Variants in RIMS1 observed in about 807,000 individuals in gnomAD.
RIMS1 encodes regulating synaptic membrane exocytosis protein 1.
Under a neutral mutation model 214.1 loss-of-function variants are expected in RIMS1, and 83 were observed. The ratio of observed to expected loss-of-function variants is 0.39; its 90% CI spans 0.32 to 0.47. RIMS1 has a LOEUF of 0.47. Ranked by LOEUF, RIMS1 falls within the 20% of genes least tolerant of loss-of-function variation. RIMS1 has a pLI of 0.99. For missense variants in RIMS1, 2,050 were observed against 2,161.8 expected (o/e 0.95, Z 1.03); for synonymous variants, 793 against 786.8 (o/e 1.01, Z -0.13).
At chr6:72,082,869 G>A (rs542014734) in intron 2 of RIMS1, among the ~76,000 whole-genome samples, 1 of 152,132 alleles carries the variant, frequency 6.6e-6, no homozygotes, top group Admixed American at 6.6e-5. Flanking sequence ...GGAAATTAGG[G>A]GACATTGCAC....
At chr6:72,341,893 C>A (rs1246450552) in intron 29 of RIMS1, among the ~76,000 whole-genome samples, 1 of 151,604 alleles carries the variant, frequency 6.6e-6, no homozygotes, top group Admixed American at 6.6e-5. Flanking sequence ...TATCTTTTCT[C>A]CAAATACTGA....
intron 28 of RIMS1, among the ~76,000 whole-genome samples, chr6:72,323,153 A>G (rs965785580): frequency 6.6e-6 from 1 of 152,136 alleles, no homozygotes; most frequent in African/African-American, 2.4e-5. Context: ...CAAACTCTGT[A>G]CAAGAACAAG....
At chr6:72,049,581 G>C (rs1209320731) in intron 2 of RIMS1, among the ~76,000 whole-genome samples, 1 of 152,178 alleles carries the variant, frequency 6.6e-6, no homozygotes, top group Non-Finnish European at 1.5e-5. Flanking sequence ...GCTTAGGTTT[G>C]CATAATACTG....
intron 29 of RIMS1, among the ~76,000 whole-genome samples, chr6:72,377,668 C>G (rs2098414532): frequency 6.6e-6 from 1 of 152,050 alleles, no homozygotes; most frequent in Non-Finnish European, 1.5e-5. Context: ...TATTGATTAA[C>G]TAACTCACTG....
intron 6 of RIMS1, among the ~76,000 whole-genome samples, chr6:72,187,841 G>C (rs567172266): frequency 6.6e-5 from 10 of 152,196 alleles, no homozygotes; most frequent in African/African-American, 2.4e-4. Context: ...TCTCTAGAGG[G>C]ACAGAACTAC....
At chr6:72,276,801 A>G (rs570966192) in intron 23 of RIMS1, among the ~76,000 whole-genome samples, 2 of 152,336 alleles carry the variant, frequency 1.3e-5, no homozygotes, top group African/African-American at 2.4e-5. Flanking sequence ...TATGTCAACC[A>G]CTTGGCAAAT....
At chr6:72,328,503 A>G (rs927443034) in intron 28 of RIMS1, among the ~76,000 whole-genome samples, 1 of 151,820 alleles carries the variant, frequency 6.6e-6, no homozygotes, top group East Asian at 1.9e-4. Context: ...TATAGCTACT[A>G]TGTACCCATG....
intron 4 of RIMS1, among the ~76,000 whole-genome samples, chr6:72,151,746 T>G (rs981709305): frequency 6.6e-6 from 1 of 152,198 alleles, no homozygotes; most frequent in African/African-American, 2.4e-5. Flanking sequence ...CATTTTACTT[T>G]AAGAAAGGAT....
At chr6:72,248,750 A>G (rs1462685122) in intron 12 of RIMS1, among the ~76,000 whole-genome samples, 1 of 152,196 alleles carries the variant, frequency 6.6e-6, no homozygotes, top group East Asian at 1.9e-4. Context: ...TGTTACACAA[A>G]TAATGACCTT....
intron 2 of RIMS1, among the ~76,000 whole-genome samples, chr6:71,993,727 G>T (rs953781509): frequency 2.6e-5 from 4 of 152,028 alleles, no homozygotes; most frequent in Non-Finnish European, 4.4e-5. Flanking sequence ...TCTTTTCTAG[G>T]TTTACAATTA....
At chr6:71,941,754 T>G (rs192293189) in intron 1 of RIMS1, among the ~76,000 whole-genome samples, 1 of 152,212 alleles carries the variant, frequency 6.6e-6, no homozygotes, top group Admixed American at 6.5e-5. Context: ...TTGAATTGTC[T>G]GCTTGGTTTT....
chr6:71,971,423 G>C (rs1795822146), intron 2 of RIMS1, among the ~76,000 whole-genome samples: 1 of 152,154 alleles, frequency 6.6e-6, no homozygotes, highest in African/African-American at 2.4e-5. Flanking sequence ...AGTAAAATGG[G>C]CAATGCTTGA....
chr6:71,959,217 A>G (rs1273077433), intron 1 of RIMS1, among the ~76,000 whole-genome samples: 1 of 152,126 alleles, frequency 6.6e-6, no homozygotes, highest in African/African-American at 2.4e-5. Flanking sequence ...TTTTTCTCTA[A>G]CTTTCTAGGC....
At chr6:71,927,189 C>T (rs1781804169) in intron 1 of RIMS1, among the ~76,000 whole-genome samples, 2 of 152,098 alleles carry the variant, frequency 1.3e-5, no homozygotes, top group Admixed American at 1.3e-4. Flanking sequence ...AAGAATCTTT[C>T]TCAATACCTG....
chr6:72,319,785 A>G (rs943909446), intron 28 of RIMS1, among the ~76,000 whole-genome samples: 2 of 152,136 alleles, frequency 1.3e-5, no homozygotes, highest in Admixed American at 6.6e-5. Flanking sequence ...TCCTAGATCT[A>G]TGTTTTTAGT....
intron 2 of RIMS1, among the ~76,000 whole-genome samples, chr6:72,085,664 A>G (rs1052386213): frequency 1.3e-5 from 2 of 152,082 alleles, no homozygotes; most frequent in Admixed American, 1.3e-4. Context: ...TTGCACCAGA[A>G]CTACTAAAAA....
chr6:71,968,269 A>G (rs971387138), intron 1 of RIMS1, among the ~76,000 whole-genome samples: 2 of 152,212 alleles, frequency 1.3e-5, no homozygotes, highest in Non-Finnish European at 2.9e-5. Flanking sequence ...TGTTTTCATG[A>G]AAGTAGGAGT....
chr6:72,339,381 C>T (rs1265330906), intron 29 of RIMS1, among the ~76,000 whole-genome samples: 1 of 151,904 alleles, frequency 6.6e-6, no homozygotes, highest in Non-Finnish European at 1.5e-5. Context: ...GTGCTGCACC[C>T]ATTAACTCGT....
chr6:72,290,746 A>G lies in RIMS1; in HGVS notation c.3622A>G (p.Arg1208Gly). Reference protein sequence around the residue: ...APRATDQPVIRGKHPARSRSS... With the variant: ...APRATDQPVIGGKHPARSRSS... Reference sequence around the variant, plus strand: ...AAGAGCAACTGATCAGCCAGTCATTAGGGGAAAACATCCTGCTCGCTCAAG... The same window carrying G: ...AAGAGCAACTGATCAGCCAGTCATTGGGGGAAAACATCCTGCTCGCTCAAG... Residue 1208 changes from arginine (R) to glycine (G), a missense_variant, in exon 25 of 34, where the codon AGG (arginine) becomes GGG (glycine). Coordinates refer to ENST00000521978, the MANE Select transcript of RIMS1 (RefSeq NM_014989.7). The G allele has an allele frequency of 1.2e-6, 2 of 1,613,806 alleles. No individual in the cohort carries two copies. Among genetic ancestry groups the G allele is most frequent in the Non-Finnish European group, 1.7e-6 (2 of 1,179,766 alleles).
Sources: allele counts gnomAD v4.1 joint callset (sites outside exome capture counted in the v4.1 genomes callset), GRCh38; gene constraint gnomAD v4.1.1; transcripts MANE v1.5; gene names NCBI Gene and HGNC (gene_info 2026-07-23, HGNC 2026-07-21).